IPO7: variants seen among roughly 807,000 people sequenced by gnomAD.
IPO7 encodes the protein importin 7.
Under a neutral mutation model 136.4 loss-of-function variants are expected in IPO7, and 13 were observed. The observed-to-expected ratio is 0.10, with a 90% CI of 0.06 to 0.15. The LOEUF (loss-of-function observed/expected upper bound fraction) is 0.15. IPO7 is among the 10% of genes least tolerant of loss of function. The probability of loss-of-function intolerance (pLI) is 1.00; values close to 1 mark genes in which losing one functional copy is unlikely to be tolerated. For missense variants in IPO7, 857 were observed against 1,240.6 expected, an observed-to-expected ratio of 0.69 and a Z score of 4.65; for synonymous variants, 403 against 404.4, an observed-to-expected ratio of 1.00 and a Z score of 0.04.
Position 9,415,654 on chromosome 11 carries a change from T to C in IPO7, c.636+1243T>C, listed in dbSNP as rs186511540. Among the ~76,000 whole-genome samples the C allele has an allele frequency of 1.8e-3, 278 of 152,082 alleles. 1 individual carries two copies. The highest frequency in any genetic ancestry group is 6.5e-3 in the African/African-American group (269 of 41,502). On this transcript the variant is annotated intron_variant, in intron 5 of 24. Coordinates refer to ENST00000379719, the MANE Select transcript of IPO7 (RefSeq NM_006391.3). Reference sequence around the variant, plus strand: ...GAGGTCGAGACCATCCTGGCTAACATGGTGAAACCCTGTCTCTACTAAAAA... The same window carrying C: ...GAGGTCGAGACCATCCTGGCTAACACGGTGAAACCCTGTCTCTACTAAAAA...
intron 15 of IPO7, chr11:9,430,502 C>T (rs763746514): frequency 1.2e-5 from 2 of 171,224 alleles, no homozygotes; most frequent in Non-Finnish European, 2.5e-5. Context: ...AAAGATAAAT[C>T]AGTGACCCCC....
At chr11:9,442,016 G>T in intron 23 of IPO7, 65 bp from the exon 24 acceptor site, 1 of 772,752 alleles carries the variant, frequency 1.3e-6, no homozygotes, top group Non-Finnish European at 2.3e-6. Context: ...GAGGAATAGT[G>T]TAGAACGGAG....
At chr11:9,404,193 C>T (rs113909493) in intron 2 of IPO7, among the ~76,000 whole-genome samples, 54 of 152,324 alleles carry the variant, frequency 3.5e-4, no homozygotes, top group African/African-American at 1.2e-3. Context: ...GGGCTGGGTG[C>T]AGTGGCTCAC....
intron 21 of IPO7, 24 bp from the exon 22 acceptor site, chr11:9,438,056 T>TG (rs1195852790): frequency 8.2e-6 from 4 of 489,520 alleles, no homozygotes; most frequent in East Asian, 5.6e-5. Flanking sequence ...TTTTTTTTTT[T>TG]TTTTTTTTTT....
rs550469940 is a variant in IPO7, at chr11:9,446,840, A to G, written c.*1646A>G. On this transcript the variant is annotated 3_prime_UTR_variant, in exon 25 of 25. Coordinates refer to ENST00000379719, the MANE Select transcript of IPO7 (RefSeq NM_006391.3). ...TTTCTATTTTAACACTGAAGGAGTG[A>G]AAGTATTTCCTATATTTATGAATTT... is the stretch of plus-strand genomic sequence containing the variant. The G allele has an allele frequency of 6.6e-6, 1 of 152,296 alleles. No individual in the cohort carries two copies. The highest frequency in any genetic ancestry group is 2.1e-4 in the South Asian group (1 of 4,824). The allele number at this position is 152,296 out of a possible 1,614,324, so 9.4% of individuals were successfully genotyped here.
At chr11:9,433,887 C>A in intron 18 of IPO7, 41 bp downstream of exon 18, 1 of 1,534,284 alleles carries the variant, frequency 6.5e-7, no homozygotes, top group Non-Finnish European at 8.8e-7. Context: ...GTTTTCCCTG[C>A]TTTGATTTAT....
At chr11:9,424,769 CAG>C in intron 10 of IPO7, 143 bp from the exon 11 acceptor site, 1 of 588,118 alleles carries the variant, frequency 1.7e-6, no homozygotes, top group Non-Finnish European at 3.0e-6. Context: ...TCAATTTGTA[CAG>C]AAAAGACATT....
chr11:9,407,775 C>G (rs900760667), intron 2 of IPO7, among the ~76,000 whole-genome samples: 1 of 152,150 alleles, frequency 6.6e-6, no homozygotes, highest in Non-Finnish European at 1.5e-5. Context: ...TGGACAGTTT[C>G]CCTTTACAGT....
intron 8 of IPO7, among the ~76,000 whole-genome samples, chr11:9,422,002 G>A (rs971808047): frequency 3.3e-5 from 5 of 152,046 alleles, no homozygotes; most frequent in South Asian, 2.1e-4. Context: ...TGACTTGGCC[G>A]GGCGCGGTGG....
chr11:9,397,342 A>AAAAAAAAAAAAAATATATATATATT (rs55735137), intron 1 of IPO7, among the ~76,000 whole-genome samples: 1 of 14,534 alleles, frequency 6.9e-5, no homozygotes, highest in Non-Finnish European at 1.3e-4. Flanking sequence ...TTAAAAAAAA[A>AAAAAAAAAAAAAATATATATATATT]TATATATATA....
rs766451552 is a variant in IPO7 at position 9,384,736 on chromosome 11, C to A, written c.-28C>A. The A allele has an allele frequency of 6.4e-7, 1 of 1,559,794 alleles. No homozygotes were observed. Among genetic ancestry groups the A allele is most frequent in the South Asian group, 1.2e-5 (1 of 85,482 alleles). On this transcript the variant is annotated 5_prime_UTR_variant, in exon 1 of 25. Coordinates refer to ENST00000379719, the MANE Select transcript of IPO7 (RefSeq NM_006391.3). ...TATTCCTGGCCCAGTAGCACCCGAG[C>A]CCCGGGTTTGACCGAGTCCGCGCTG...
chr11:9,416,007 T>C (rs1248836900), intron 5 of IPO7, among the ~76,000 whole-genome samples: 1 of 152,178 alleles, frequency 6.6e-6, no homozygotes, highest in African/African-American at 2.4e-5. Flanking sequence ...GTTCAAGTCA[T>C]ACCATTACAT....
intron 2 of IPO7, among the ~76,000 whole-genome samples, chr11:9,404,371 A>G (rs1408449500): frequency 6.6e-6 from 1 of 151,548 alleles, no homozygotes. Flanking sequence ...AGGCTGAGGC[A>G]GGAGAATGGC....
chr11:9,437,231 A>T (rs542645437), intron 20 of IPO7, among the ~76,000 whole-genome samples: 9 of 150,550 alleles, frequency 6.0e-5, no homozygotes, highest in African/African-American at 2.2e-4. Flanking sequence ...GATTGATATC[A>T]TCGTGAGCTT....
chr11:9,425,348 A>C (rs111276846), intron 12 of IPO7, 86 bp downstream of exon 12: 15 of 817,078 alleles, frequency 1.8e-5, no homozygotes, highest in African/African-American at 1.7e-4. Context: ...GCTCACTTCT[A>C]TAATCCCAGC....
chr11:9,444,040 T>C (rs1022768082), intron 24 of IPO7, among the ~76,000 whole-genome samples: 6 of 152,126 alleles, frequency 3.9e-5, no homozygotes, highest in African/African-American at 1.2e-4. Flanking sequence ...TTTGGGAGGC[T>C]GAGGCTGGCG....
chr11:9,438,318 T>TA (rs1281184817), intron 22 of IPO7, 33 bp downstream of exon 22: 1 of 1,314,406 alleles, frequency 7.6e-7, no homozygotes, highest in Admixed American at 1.7e-5. Flanking sequence ...AGACAAAACT[T>TA]ATCTACTTAG....
At chr11:9,395,873 C>A (rs781723147) in intron 1 of IPO7, among the ~76,000 whole-genome samples, 1 of 151,458 alleles carries the variant, frequency 6.6e-6, no homozygotes, top group Non-Finnish European at 1.5e-5. Context: ...GCCGCCACCA[C>A]GTCTGGCTAA....
At chr11:9,392,820 G>C (rs1236287248) in intron 1 of IPO7, among the ~76,000 whole-genome samples, 1 of 151,676 alleles carries the variant, frequency 6.6e-6, no homozygotes, top group Non-Finnish European at 1.5e-5. Flanking sequence ...ATGGTGTTGC[G>C]TGCCTGTAAT....
Sources: allele counts gnomAD v4.1 joint callset (sites outside exome capture counted in the v4.1 genomes callset), GRCh38; gene constraint gnomAD v4.1.1; transcripts MANE v1.5; gene names NCBI Gene and HGNC (gene_info 2026-07-23, HGNC 2026-07-21).